PDE11A: variants seen among roughly 807,000 people sequenced by gnomAD.
PDE11A encodes the protein phosphodiesterase 11A.
A neutral mutation model predicts 100.5 loss-of-function variants in PDE11A; 100 were observed. The ratio of observed to expected loss-of-function variants is 1.00; its 90% CI spans 0.85 to 1.18. The LOEUF is 1.18. Ranked by LOEUF, PDE11A falls within the 50% of genes most tolerant of loss-of-function variation. The probability of loss-of-function intolerance (pLI) is 0.00; values close to 1 mark genes in which losing one functional copy is unlikely to be tolerated. For synonymous variants in PDE11A, 381 were observed against 420.8 expected, an observed-to-expected ratio of 0.91 and a Z score of 1.16; for missense variants, 1,141 against 1,152.6, an observed-to-expected ratio of 0.99 and a Z score of 0.15.
rs748839068 is a variant in PDE11A, at chr2:177,957,910, C to CTTTTTTTTT, written c.1072-52724_1072-52723insAAAAAAAAA. ...TCCTTTACCTTTGTTTTTCCAATGC[C>CTTTTTTTTT]TTTTTTTTGAGACGGAGTCTCTTGC... On this transcript the variant is annotated intron_variant, in intron 2 of 19. Coordinates refer to ENST00000286063, the MANE Select transcript of PDE11A (RefSeq NM_016953.4). 9.6e-5 allele frequency among the ~76,000 whole-genome samples: 11 copies of CTTTTTTTTT among 114,478 alleles called. 2 individuals are homozygous for CTTTTTTTTT. Among genetic ancestry groups the CTTTTTTTTT allele is most frequent in the South Asian group, 3.0e-4 (1 of 3,358 alleles). The allele number at this position is 114,478 out of a possible 152,430, so 75.1% of individuals were successfully genotyped here. A position where few individuals can be genotyped will look rare whatever the true frequency, so the allele number is the denominator to read the frequency against.
chr2:177,717,052 A>G (rs980411876), intron 12 of PDE11A, among the ~76,000 whole-genome samples: 1 of 152,194 alleles, frequency 6.6e-6, no homozygotes, highest in African/African-American at 2.4e-5. Flanking sequence ...CTCTTCCTAG[A>G]ACATTTTCTA....
intron 2 of PDE11A, among the ~76,000 whole-genome samples, chr2:178,099,446 G>GA (rs201692711): frequency 0.027 from 2,286 of 84,224 alleles, 17 homozygotes; most frequent in East Asian, 0.075. Flanking sequence ...CATCTCAAGA[G>GA]AAAAAAAAAA....
chr2:177,648,621 T>A (rs1348766276), intron 19 of PDE11A, among the ~76,000 whole-genome samples: 1 of 151,970 alleles, frequency 6.6e-6, no homozygotes, highest in Admixed American at 6.6e-5. Flanking sequence ...AAAAGAATAA[T>A]AAGGAAGGTG....
intron 1 of PDE11A, among the ~76,000 whole-genome samples, chr2:178,033,990 A>G (rs1174450581): frequency 6.6e-6 from 1 of 152,186 alleles, no homozygotes; most frequent in East Asian, 1.9e-4. Context: ...TGCATCAACT[A>G]ATGTTCAAAA....
chr2:177,844,302 A>G (rs35586165), intron 5 of PDE11A, among the ~76,000 whole-genome samples: 16,547 of 152,122 alleles, frequency 0.11, 1,219 homozygotes, highest in Non-Finnish European at 0.16. Context: ...CACATGGTAG[A>G]AAGAATGAGG....
chr2:177,992,591 T>A (rs2086017729), intron 2 of PDE11A, among the ~76,000 whole-genome samples: 1 of 152,220 alleles, frequency 6.6e-6, no homozygotes, highest in South Asian at 2.1e-4. Flanking sequence ...ATTCCAATGG[T>A]TCTCTTTATT....
intron 10 of PDE11A, among the ~76,000 whole-genome samples, chr2:177,730,809 T>G (rs2081675724): frequency 1.3e-5 from 2 of 152,196 alleles, no homozygotes; most frequent in Non-Finnish European, 2.9e-5. Context: ...AGTCTCTCCT[T>G]TTTTATTGTG....
chr2:178,107,804 C>T (rs2087639343), intron 1 of PDE11A, among the ~76,000 whole-genome samples: 1 of 150,234 alleles, frequency 6.7e-6, no homozygotes, highest in South Asian at 2.1e-4. Context: ...TCACTGCAAC[C>T]TCCGCTTCCC....
At chr2:177,867,536 T>G (rs1017482769) in intron 5 of PDE11A, among the ~76,000 whole-genome samples, 5 of 152,136 alleles carry the variant, frequency 3.3e-5, no homozygotes, top group African/African-American at 1.2e-4. Flanking sequence ...GAGACCATCC[T>G]GGCCAAAATG....
Position 178,014,340 on chromosome 2 carries a change from T to C in PDE11A, c.1033A>G (p.Ile345Val), listed in dbSNP as rs749945540. ...TCAGTAAATGGAGCTCCTTCAGGAA[T>C]CTTATTTATCGCTTGGGCCACACCA... ...IIGVAQAINK[I>V]PEGAPFTEDD... The change falls in exon 2 of 20, where the codon ATT becomes GTT. Residue 345 changes from isoleucine to valine, a missense_variant. By Grantham distance (29) the Ile-to-Val change is conservative. Transcript: ENST00000286063. 6.2e-7 allele frequency: 1 copy of C among 1,613,292 alleles called. No homozygotes were observed. The highest frequency in any genetic ancestry group is 1.7e-5 in the Admixed American group (1 of 60,014).
chr2:178,027,716 T>C (rs1001202358), intron 1 of PDE11A, among the ~76,000 whole-genome samples: 3 of 152,146 alleles, frequency 2.0e-5, no homozygotes, highest in Non-Finnish European at 4.4e-5. Flanking sequence ...TTGGTGGTAT[T>C]GCCTGAAAAT....
At chr2:177,820,103 T>G in intron 7 of PDE11A, 117 bp downstream of exon 7, 1 of 660,556 alleles carries the variant, frequency 1.5e-6, no homozygotes, top group South Asian at 1.8e-5. Flanking sequence ...GTGTGAGACA[T>G]AGTTTGATGA....
chr2:177,716,068 A>G (rs1275170487), intron 12 of PDE11A, among the ~76,000 whole-genome samples: 3 of 152,226 alleles, frequency 2.0e-5, no homozygotes, highest in African/African-American at 4.8e-5. Context: ...GCATCCTGAG[A>G]AAAGAGAACT....
At chr2:177,967,200 C>CTTT (rs34293348) in intron 2 of PDE11A, among the ~76,000 whole-genome samples, 4 of 106,232 alleles carry the variant, frequency 3.8e-5, no homozygotes, top group African/African-American at 1.6e-4. Flanking sequence ...TCTCCTTTGT[C>CTTT]TTTTTTTTTT....
chr2:178,081,019 GTTTGAAC>G (rs1026783436), intron 2 of PDE11A, among the ~76,000 whole-genome samples: 6 of 152,212 alleles, frequency 3.9e-5, no homozygotes, highest in African/African-American at 1.4e-4. Context: ...ATTAAAGGTA[GTTTGAAC>G]TTTGAGAAAC....
chr2:178,068,580 C>T (rs140006774), intron 1 of PDE11A, among the ~76,000 whole-genome samples: 6 of 151,910 alleles, frequency 3.9e-5, no homozygotes, highest in African/African-American at 1.4e-4. Context: ...GCAAGAAACA[C>T]CTTAAAAATA....
At chr2:178,056,522 G>A (rs865776725) in intron 1 of PDE11A, among the ~76,000 whole-genome samples, 1 of 152,164 alleles carries the variant, frequency 6.6e-6, no homozygotes, top group Admixed American at 6.5e-5. Context: ...ACTTAGAATG[G>A]AAGGGCAAGG....
At chr2:177,906,138 T>C (rs1250529920) in intron 2 of PDE11A, among the ~76,000 whole-genome samples, 1 of 151,788 alleles carries the variant, frequency 6.6e-6, no homozygotes, top group Admixed American at 6.6e-5. Flanking sequence ...GTTTATATCA[T>C]AGACTCTATG....
At chr2:177,690,044 C>T (rs1383965291) in intron 15 of PDE11A, among the ~76,000 whole-genome samples, 2 of 152,140 alleles carry the variant, frequency 1.3e-5, no homozygotes, top group East Asian at 3.8e-4. Context: ...CAGCAACTAG[C>T]ACAGTGCCTG....
Sources: allele counts gnomAD v4.1 joint callset (sites outside exome capture counted in the v4.1 genomes callset), GRCh38; gene constraint gnomAD v4.1.1; transcripts MANE v1.5; gene names NCBI Gene and HGNC (gene_info 2026-07-23, HGNC 2026-07-21).